The following CFTR variants were observed in gnomAD, a reference collection of about 807,000 sequenced individuals.
CFTR encodes the protein CF transmembrane conductance regulator, also known as cystic fibrosis transmembrane conductance regulator.
CFTR carries 181 observed loss-of-function variants against 171.6 expected under a neutral mutation model. The ratio of observed to expected loss-of-function variants is 1.05; its 90% confidence interval spans 0.93 to 1.19. CFTR has a LOEUF of 1.19. Ranked by LOEUF, CFTR falls within the 50% of genes most tolerant of loss-of-function variation. The pLI is 0.00. For missense variants in CFTR, 1,968 were observed against 1,734.7 expected, an observed-to-expected ratio of 1.13 and a Z score of -2.39; for synonymous variants, 583 against 608.0, an observed-to-expected ratio of 0.96 and a Z score of 0.60.
intron 11 of CFTR, among the ~76,000 whole-genome samples, chr7:117,587,001 T>G (rs2116015139): frequency 6.6e-6 from 1 of 152,322 alleles, no homozygotes; most frequent in East Asian, 1.9e-4. Flanking sequence ...GGATTATGAC[T>G]TACCTTCTAA....
rs193922512 is a variant in CFTR at position 117,603,706 on chromosome 7, G to A, written c.2832G>A (p.Val944=). The change falls in exon 17 of 27, where the codon GTG becomes GTA. Residue 944 remains valine, a synonymous_variant. Transcript: ENST00000003084. ...CACTGGTGCATACTCTAATCACAGTGTCGAAAATTTTACACCACAAAATGT... is the reference window on the plus strand; with the variant it reads ...CACTGGTGCATACTCTAATCACAGTATCGAAAATTTTACACCACAAAATGT... ...GLPLVHTLIT[V]SKILHHKMLH... 13 of 1,613,952 alleles carry A rather than the reference G, an allele frequency of 8.1e-6. No individual in the cohort carries two copies. The highest frequency in any genetic ancestry group is 4.5e-5 in the East Asian group (2 of 44,888).
intron 11 of CFTR, among the ~76,000 whole-genome samples, chr7:117,573,029 C>T: frequency 6.9e-6 from 1 of 144,368 alleles, no homozygotes; most frequent in Non-Finnish European, 1.5e-5. Context: ...ATGTAACACT[C>T]CACCCTTTCT....
chr7:117,613,145 C>G (rs1273031350), intron 20 of CFTR, among the ~76,000 whole-genome samples: 1 of 152,120 alleles, frequency 6.6e-6, no homozygotes, highest in Non-Finnish European at 1.5e-5. Context: ...TTTTAAGCAA[C>G]TTTAAAAAAT....
chr7:117,634,264 A>G (rs553637736), intron 22 of CFTR, among the ~76,000 whole-genome samples: 3 of 152,052 alleles, frequency 2.0e-5, no homozygotes, highest in Non-Finnish European at 4.4e-5. Flanking sequence ...AAATATGTCA[A>G]CGTAGAGTTA....
intron 10 of CFTR, among the ~76,000 whole-genome samples, chr7:117,555,424 A>G (rs35493996): frequency 0.015 from 2,241 of 152,322 alleles, 56 homozygotes; most frequent in African/African-American, 0.051. Context: ...GGTAAGCTCA[A>G]GCATTGTGGA....
intron 12 of CFTR, 48 bp from the exon 13 acceptor site, chr7:117,590,305 A>C (rs766843202): frequency 6.3e-7 from 1 of 1,585,554 alleles, no homozygotes; most frequent in Admixed American, 1.7e-5. Context: ...ACACTAGATG[A>C]CCAGGAAATA....
In CFTR at chr7:117,664,692, G is replaced by A; in HGVS notation, c.3968G>A (p.Gly1323Glu). The A allele has an allele frequency of 6.2e-7, 1 of 1,613,750 alleles. No individual in the cohort carries two copies. The highest frequency in any genetic ancestry group is 8.5e-7 in the Non-Finnish European group (1 of 1,179,762). The change falls in exon 25 of 27, where the codon GGG becomes GAG. Residue 1323 changes from glycine to glutamate, a missense_variant. Physicochemically the swap from Gly to Glu is moderately conservative, Grantham distance 98. Coordinates refer to ENST00000003084, the MANE Select transcript of CFTR (RefSeq NM_000492.4). Reference protein sequence around the residue: ...QEIWKVADEVGLRSVIEQFPG... With the variant: ...QEIWKVADEVELRSVIEQFPG... ...AACTATCTTCTCTAACTGCAGGTTGGGCTCAGATCTGTGATAGAACAGTTT... is the reference window on the plus strand; with the variant it reads ...AACTATCTTCTCTAACTGCAGGTTGAGCTCAGATCTGTGATAGAACAGTTT...
chr7:117,498,518 G>T (rs1289175884), intron 1 of CFTR, among the ~76,000 whole-genome samples: 1 of 152,158 alleles, frequency 6.6e-6, no homozygotes, highest in African/African-American at 2.4e-5. Flanking sequence ...GAGCTGGATA[G>T]TATCACTTTG....
chr7:117,572,301 C>G (rs1034061481), intron 11 of CFTR, among the ~76,000 whole-genome samples: 1 of 152,032 alleles, frequency 6.6e-6, no homozygotes, highest in African/African-American at 2.4e-5. Context: ...CACGCCTGGC[C>G]CCTTTTTATT....
chr7:117,667,571 C>T lies in CFTR; in HGVS notation c.*463C>T. 1 of 253,448 alleles carries T rather than the reference C, an allele frequency of 3.9e-6. No homozygotes were observed. Among genetic ancestry groups the T allele is most frequent in the East Asian group, 9.8e-5 (1 of 10,214 alleles). 15.7% of individuals were successfully genotyped at this position (253,448 alleles called of 1,614,324 possible). On this transcript the variant is annotated 3_prime_UTR_variant, in exon 27 of 27. Transcript: ENST00000003084. ...TCAGCGGTTTATATAAGCTTGTATTCCTTTTTCTCTCCTCTCCCCATGATG... is the reference window on the plus strand; with the variant it reads ...TCAGCGGTTTATATAAGCTTGTATTTCTTTTTCTCTCCTCTCCCCATGATG...
In CFTR at chr7:117,592,595, A is replaced by T. The variant is rs377447726; in HGVS notation, c.2428A>T (p.Arg810Ter). The T allele has an allele frequency of 6.5e-7, 1 of 1,528,488 alleles. No individual in the cohort carries two copies. Among genetic ancestry groups the T allele is most frequent in the Non-Finnish European group, 8.7e-7 (1 of 1,145,156 alleles). The allele number at this position is 1,528,488 out of a possible 1,614,324, so 94.7% of individuals were successfully genotyped here. ...CTTGACTGAACTGGATATATATTCA[A>T]GAAGGTTATCTCAAGAAACTGGCTT... is the stretch of plus-strand genomic sequence containing the variant. ...ANLTELDIYS[R>*]RLSQETGLEI... Residue 810 changes from arginine to a stop codon, truncating the protein, a stop_gained, in exon 14 of 27, where the codon AGA becomes TGA. Transcript: ENST00000003084. LOFTEE classifies it high-confidence loss of function.
At chr7:117,539,017 A>G (rs1335594889) in intron 7 of CFTR, among the ~76,000 whole-genome samples, 11 of 152,198 alleles carry the variant, frequency 7.2e-5, no homozygotes, top group African/African-American at 2.4e-4. Flanking sequence ...ACAAGGAAGA[A>G]GAACTAATGC....
intron 1 of CFTR, among the ~76,000 whole-genome samples, chr7:117,482,181 A>C (rs142978305): frequency 0.011 from 1,728 of 152,288 alleles, 24 homozygotes; most frequent in Middle Eastern, 0.068. Flanking sequence ...TGTGTTTCAC[A>C]TGGCCTTACC....
rs868429490 is a variant in CFTR at position 117,480,063 on chromosome 7, G to T, written c.-32G>T. ...GGCATTAGGAGCTTGAGCCCAGACG[G>T]CCCTAGCAGGGACCCCAGCGCCCGA... On this transcript the variant is annotated 5_prime_UTR_variant, in exon 1 of 27. Transcript: ENST00000003084. 3 of 1,611,310 alleles carry T rather than the reference G, an allele frequency of 1.9e-6. No homozygotes were observed. In the Middle Eastern group the frequency reaches 5.0e-4, roughly 266 times the overall value.
intron 12 of CFTR, among the ~76,000 whole-genome samples, chr7:117,589,581 C>T (rs2116023227): frequency 6.6e-6 from 1 of 151,978 alleles, no homozygotes; most frequent in South Asian, 2.1e-4. Flanking sequence ...CTAAGGTCAA[C>T]TCAATGTAGA....
At chr7:117,603,492 A>G in intron 16 of CFTR, 40 bp from the exon 17 acceptor site, 1 of 1,612,608 alleles carries the variant, frequency 6.2e-7, no homozygotes, top group Non-Finnish European at 8.5e-7. Flanking sequence ...TCAGTAAGTA[A>G]CTTTGGCTGC....
rs571023822 is a variant in CFTR at position 117,494,906 on chromosome 7, T to A, written c.54-9347T>A. Among the ~76,000 whole-genome samples the A allele has an allele frequency of 3.8e-4, 58 of 152,272 alleles. 1 individual carries two copies. Among genetic ancestry groups the A allele is most frequent in the African/African-American group, 1.3e-3 (56 of 41,566 alleles). ...ATGGACATACTTAAAACTGTTTCTC[T>A]GCTTCTGTTCTCTAAAATGTGATTG... On this transcript the variant is annotated intron_variant, in intron 1 of 26. Transcript: ENST00000003084.
chr7:117,553,783 T>C (rs1799308818), intron 10 of CFTR, among the ~76,000 whole-genome samples: 1 of 152,014 alleles, frequency 6.6e-6, no homozygotes, highest in African/African-American at 2.4e-5. Flanking sequence ...AGATATCTCA[T>C]CAAAAATAAA....
chr7:117,483,683 C>T (rs951378106), intron 1 of CFTR, among the ~76,000 whole-genome samples: 3 of 152,032 alleles, frequency 2.0e-5, no homozygotes, highest in Non-Finnish European at 2.9e-5. Flanking sequence ...TCTTGCCTCA[C>T]GAGTAGCTGG....
Sources: gnomAD v4.1 joint callset for allele counts (sites outside exome capture counted in the v4.1 genomes callset) on GRCh38, gnomAD v4.1.1 for gene constraint, MANE v1.5 for transcripts, NCBI Gene and HGNC (gene_info 2026-07-23, HGNC 2026-07-21) for gene names.